GLIS3: variants seen among roughly 807,000 people sequenced by gnomAD.
GLIS3 encodes zinc finger protein GLIS3.
A neutral mutation model predicts 78.6 loss-of-function variants in GLIS3; 53 were observed. The ratio of observed to expected loss-of-function variants is 0.67; its 90% CI spans 0.54 to 0.85. The LOEUF (loss-of-function observed/expected upper bound fraction) is 0.85, where lower values mean the gene tolerates loss of function less well. GLIS3 is among the 40% of genes least tolerant of loss of function. The pLI is 0.00. For synonymous variants in GLIS3, 684 were observed against 509.9 expected (o/e 1.34, Z -4.60); for missense variants, 1,703 against 1,231.1 (o/e 1.38, Z -5.74).
At chr9:4,246,437 G>C (rs1430349068) in intron 2 of GLIS3, among the ~76,000 whole-genome samples, 1 of 152,272 alleles carries the variant, frequency 6.6e-6, no homozygotes, top group Admixed American at 6.5e-5. Flanking sequence ...TTTAAGGTAA[G>C]ATATTTTCAC....
At chr9:3,869,229 T>C (rs1435856147) in intron 8 of GLIS3, among the ~76,000 whole-genome samples, 1 of 148,518 alleles carries the variant, frequency 6.7e-6, no homozygotes, top group Non-Finnish European at 1.5e-5. Context: ...CTATTACACA[T>C]ATACTACATT....
At chr9:4,243,154 C>T (rs1194071559) in intron 2 of GLIS3, among the ~76,000 whole-genome samples, 3 of 152,160 alleles carry the variant, frequency 2.0e-5, no homozygotes, top group African/African-American at 7.2e-5. Context: ...AGACTGACAC[C>T]TTAATCCGAT....
intron 2 of GLIS3, among the ~76,000 whole-genome samples, chr9:4,345,726 A>T (rs936912737): frequency 4.6e-5 from 7 of 152,244 alleles, no homozygotes; most frequent in Admixed American, 2.0e-4. Flanking sequence ...TAAAATTTAA[A>T]AGCCAAAGTT....
chr9:4,133,825 T>TACACAC (rs138728219), intron 2 of GLIS3, among the ~76,000 whole-genome samples: 3,814 of 121,606 alleles, frequency 0.031, 102 homozygotes, highest in Non-Finnish European at 0.042. Context: ...CAAGACCTTC[T>TACACAC]ACACACACAC....
At chr9:4,113,563 A>G (rs544979057) in intron 4 of GLIS3, among the ~76,000 whole-genome samples, 2 of 152,336 alleles carry the variant, frequency 1.3e-5, no homozygotes, top group Non-Finnish European at 2.9e-5. Context: ...TTATGCTTAC[A>G]TGATATTTTC....
chr9:4,369,223 G>C, the GLIS3 span, among the ~76,000 whole-genome samples: 3 of 152,074 alleles, frequency 2.0e-5, no homozygotes, highest in African/African-American at 7.2e-5. Context: ...CACCATTCTA[G>C]ATCTTCCGAA....
At chr9:4,125,657 T>TG in intron 3 of GLIS3, 77 bp downstream of exon 3, 25 of 969,818 alleles carry the variant, frequency 2.6e-5, no homozygotes, top group Non-Finnish European at 4.0e-5. Context: ...TGTGTGTGTA[T>TG]TCAGAAAGAG....
the GLIS3 span, among the ~76,000 whole-genome samples, chr9:4,424,706 G>A: frequency 1.1e-4 from 17 of 152,144 alleles, no homozygotes; most frequent in African/African-American, 4.1e-4. Context: ...TGTGACTACA[G>A]GCACTTGCCC....
chr9:4,360,503 G>C, the GLIS3 span, among the ~76,000 whole-genome samples: 36 of 152,146 alleles, frequency 2.4e-4, no homozygotes, highest in South Asian at 6.6e-3. Flanking sequence ...CATACCTTAA[G>C]CCCTTTGCAT....
In GLIS3 at chr9:4,156,135, T is replaced by C. The variant is rs993411744; in HGVS notation, c.389-30194A>G. Among the ~76,000 whole-genome samples, 40 of 152,156 alleles carry C rather than the reference T, an allele frequency of 2.6e-4. 1 individual carries two copies. Among genetic ancestry groups the C allele is most frequent in the Admixed American group, 1.6e-3 (24 of 15,266 alleles). ...CCTCTTGTGTGGCCATTCCTCTTGATTGACAACTCTTATACCCTTGAGCAG... is the reference window on the plus strand; with the variant it reads ...CCTCTTGTGTGGCCATTCCTCTTGACTGACAACTCTTATACCCTTGAGCAG... On this transcript the variant is annotated intron_variant, in intron 2 of 10. Transcript: ENST00000381971.
chr9:4,322,140 A>G (rs1395048243), intron 2 of GLIS3, among the ~76,000 whole-genome samples: 3 of 151,990 alleles, frequency 2.0e-5, no homozygotes, highest in East Asian at 1.9e-4. Context: ...TTGGTTTTCC[A>G]TCCTTGTGAT....
chr9:4,377,972 G>T, the GLIS3 span, among the ~76,000 whole-genome samples: 2 of 152,118 alleles, frequency 1.3e-5, no homozygotes, highest in Non-Finnish European at 2.9e-5. Context: ...AGATTGTAAA[G>T]CATACCATGG....
chr9:4,321,408 C>G (rs779886401), intron 2 of GLIS3, among the ~76,000 whole-genome samples: 3 of 76,264 alleles, frequency 3.9e-5, no homozygotes, highest in South Asian at 4.7e-4. Context: ...GGCCACAGAG[C>G]TAGACTCCGT....
the GLIS3 span, among the ~76,000 whole-genome samples, chr9:4,392,746 G>A: frequency 6.6e-6 from 1 of 152,164 alleles, no homozygotes; most frequent in African/African-American, 2.4e-5. Flanking sequence ...ATTTGCTTCT[G>A]CTATCACCCA....
chr9:4,036,057 G>C (rs1340172823), intron 4 of GLIS3: 1 of 152,196 alleles, frequency 6.6e-6, no homozygotes, highest in African/African-American at 2.4e-5. Flanking sequence ...CTGATTCCTT[G>C]CTAGGCTGAA....
At chr9:4,399,508 G>T in the GLIS3 span, among the ~76,000 whole-genome samples, 1 of 152,232 alleles carries the variant, frequency 6.6e-6, no homozygotes. Flanking sequence ...CCAGGAGGCA[G>T]AGGCAAGATC....
chr9:4,211,303 A>G (rs1344661278), intron 2 of GLIS3, among the ~76,000 whole-genome samples: 7 of 152,228 alleles, frequency 4.6e-5, no homozygotes, highest in Non-Finnish European at 1.0e-4. Context: ...AAACAATATA[A>G]TTCTCACTGG....
At chr9:4,146,273 G>A (rs1214123547) in intron 2 of GLIS3, among the ~76,000 whole-genome samples, 1 of 152,098 alleles carries the variant, frequency 6.6e-6, no homozygotes, top group Non-Finnish European at 1.5e-5. Context: ...AATAAATATC[G>A]ATTATTTGAA....
rs539087761 is a variant in GLIS3 at position 3,926,070 on chromosome 9, G to A, written c.1983+6290C>T. Among the ~76,000 whole-genome samples, 4 of 152,256 alleles carry A rather than the reference G, an allele frequency of 2.6e-5. No homozygotes were observed. The East Asian group carries it at 7.7e-4, about 29-fold the overall frequency. On this transcript the variant is annotated intron_variant, in intron 6 of 10. Transcript: ENST00000381971. ...CTGTCTAGCATGCAGTCCCTCAATTGAGTGCCATCTCCGTTAAGGAGGACA... is the reference window on the plus strand; with the variant it reads ...CTGTCTAGCATGCAGTCCCTCAATTAAGTGCCATCTCCGTTAAGGAGGACA...
Sources: allele counts gnomAD v4.1 joint callset (sites outside exome capture counted in the v4.1 genomes callset), GRCh38; gene constraint gnomAD v4.1.1; transcripts MANE v1.5; gene names NCBI Gene and HGNC (gene_info 2026-07-23, HGNC 2026-07-21).